ZNF732: variants seen among roughly 807,000 people sequenced by gnomAD.
The protein encoded by ZNF732 is zinc finger protein 732.
ZNF732 carries 12 observed loss-of-function variants against 11.5 expected under a neutral mutation model. The ratio of observed to expected loss-of-function variants is 1.05; its 90% confidence interval spans 0.67 to 1.70. The LOEUF is 1.70. Ranked by LOEUF, ZNF732 falls within the 40% of genes most tolerant of loss-of-function variation. ZNF732 has a pLI of 0.00. For missense variants in ZNF732, 702 were observed against 676.9 expected (o/e 1.04, Z -0.41); for synonymous variants, 231 against 236.5 (o/e 0.98, Z 0.21).
At chr4:287,795 G>T (rs1218988297) in intron 3 of ZNF732, among the ~76,000 whole-genome samples, 2 of 152,024 alleles carry the variant, frequency 1.3e-5, no homozygotes, top group African/African-American at 4.8e-5. Flanking sequence ...TGGATATTTT[G>T]AATAGGTGCT....
chr4:296,771 C>G (rs1457343933), intron 1 of ZNF732, among the ~76,000 whole-genome samples: 6 of 152,162 alleles, frequency 3.9e-5, no homozygotes, highest in African/African-American at 7.2e-5. Flanking sequence ...GTTCCTCCAC[C>G]TAGACACATT....
chr4:291,593 T>C (rs1182697142), intron 3 of ZNF732, among the ~76,000 whole-genome samples: 1 of 151,964 alleles, frequency 6.6e-6, no homozygotes, highest in East Asian at 1.9e-4. Context: ...CAGACACAAA[T>C]AGATAAAACC....
chr4:295,600 T>G lies in ZNF732; in HGVS notation c.131-67A>C, dbSNP rs1466192010. Reference sequence around the variant, plus strand: ...TCCAATTACCTACCTAATACTATACTAAGTAGAAAAGAGAAATTATGGAAG... The same window carrying G: ...TCCAATTACCTACCTAATACTATACGAAGTAGAAAAGAGAAATTATGGAAG... On this transcript the variant is annotated intron_variant, in intron 2 of 3. Transcript: ENST00000419098. 15 of 1,294,234 alleles carry G rather than the reference T, an allele frequency of 1.2e-5. No homozygotes were observed. In the South Asian group the frequency reaches 1.4e-4, roughly 12 times the overall value. 80.2% of individuals were successfully genotyped at this position (1,294,234 alleles called of 1,614,324 possible).
chr4:293,078 A>C (rs1312097309), intron 3 of ZNF732, among the ~76,000 whole-genome samples: 7 of 147,274 alleles, frequency 4.8e-5, no homozygotes, highest in African/African-American at 1.7e-4. Context: ...AAAAAAAAAA[A>C]AAAAAAAAAA....
chr4:300,495 T>C (rs1553843450), intron 1 of ZNF732, among the ~76,000 whole-genome samples: 1 of 149,752 alleles, frequency 6.7e-6, no homozygotes, highest in African/African-American at 2.5e-5. Flanking sequence ...GAAAAAATTA[T>C]AGCCATTTGT....
At chr4:293,860 T>C (rs12506277) in intron 3 of ZNF732, among the ~76,000 whole-genome samples, 37,879 of 152,082 alleles carry the variant, frequency 0.25, 4,873 homozygotes, top group South Asian at 0.38. Context: ...TCAGAAAAAT[T>C]CATATCACGC....
chr4:286,936 G>A (rs1325819415), intron 3 of ZNF732, among the ~76,000 whole-genome samples: 3 of 152,072 alleles, frequency 2.0e-5, no homozygotes, highest in African/African-American at 2.4e-5. Flanking sequence ...GCGGATCACG[G>A]GGTCAGGAGA....
At position 280,132 on chromosome 4, in the gene ZNF732, TAG is replaced by T. The variant is rs782185741; in HGVS notation, c.227-7504_227-7503del. On this transcript the variant is annotated intron_variant, in intron 3 of 3. Coordinates refer to ENST00000419098, the MANE Select transcript of ZNF732 (RefSeq NM_001137608.3). ...CATGAAAAAAGACTCCCCAGTAAAATAGAGTTTGAAAACAATAAAAAATTCTG... is the reference window on the plus strand; with the variant it reads ...CATGAAAAAAGACTCCCCAGTAAAATAGTTTGAAAACAATAAAAAATTCTG... 1.6e-3 allele frequency among the ~76,000 whole-genome samples: 236 copies of T among 151,954 alleles called. 1 individual carries two copies. The highest frequency in any genetic ancestry group is 4.7e-3 in the African/African-American group (196 of 41,482).
chr4:301,436 C>A (rs1581551333), intron 1 of ZNF732, among the ~76,000 whole-genome samples: 1 of 152,200 alleles, frequency 6.6e-6, no homozygotes, highest in East Asian at 1.9e-4. Context: ...TATTGTGGCA[C>A]TATTCACAAT....
At chr4:294,361 T>C (rs537855796) in intron 3 of ZNF732, among the ~76,000 whole-genome samples, 2 of 152,296 alleles carry the variant, frequency 1.3e-5, no homozygotes, top group East Asian at 1.9e-4. Flanking sequence ...CTATCAACAA[T>C]GTAAGAGTTT....
intron 3 of ZNF732, among the ~76,000 whole-genome samples, chr4:277,790 A>C (rs903572535): frequency 4.4e-4 from 67 of 151,902 alleles, no homozygotes; most frequent in African/African-American, 1.6e-3. Flanking sequence ...ACACACACAC[A>C]AAAAAAATTC....
Position 272,151 on chromosome 4 carries a change from A to C in ZNF732, c.706T>G (p.Ser236Ala), listed in dbSNP as rs1719394394. 1 of 1,613,218 alleles carries C rather than the reference A, an allele frequency of 6.2e-7. No homozygotes were observed. Among genetic ancestry groups the C allele is most frequent in the African/African-American group, 1.3e-5 (1 of 74,902 alleles). The change falls in exon 4 of 4, where the codon TCA (serine) becomes GCA (alanine). Residue 236 changes from serine to alanine, a missense_variant. Coordinates refer to ENST00000419098, the MANE Select transcript of ZNF732 (RefSeq NM_001137608.3). ...TGAACTTTATGTTTAGCAAAGTTTG[A>C]GGATGTGGTAAAGATGTTGCCACAT... The part of the protein sequence containing the change: ...EECGNIFTTS[S>A]NFAKHKVHTG...
At chr4:285,870 G>A (rs1289911407) in intron 3 of ZNF732, among the ~76,000 whole-genome samples, 10 of 152,260 alleles carry the variant, frequency 6.6e-5, no homozygotes, top group Non-Finnish European at 1.5e-5. Flanking sequence ...CCCCCAAGTA[G>A]CTGGAACTAC....
chr4:276,701 TA>T (rs1225509033), intron 3 of ZNF732, among the ~76,000 whole-genome samples: 1 of 151,616 alleles, frequency 6.6e-6, no homozygotes, highest in Non-Finnish European at 1.5e-5. Context: ...CTCATAAAAT[TA>T]AAAAATATGA....
Position 305,343 on chromosome 4 carries a change from C to T in ZNF732, c.-33G>A. On this transcript the variant is annotated 5_prime_UTR_variant, in exon 1 of 4. Coordinates refer to ENST00000419098, the MANE Select transcript of ZNF732 (RefSeq NM_001137608.3). The stretch of plus-strand genomic sequence containing the variant: ...CTTCAGGGGTGTAGCGGAGTCTCAG[C>T]TACGAATCATCCAATACCCGCAGGT... 6.2e-7 allele frequency: 1 copy of T among 1,607,396 alleles called. No homozygotes were observed.
chr4:299,391 G>GTGTATATATA (rs1343524347), intron 1 of ZNF732, among the ~76,000 whole-genome samples: 2 of 30,750 alleles, frequency 6.5e-5, no homozygotes, highest in African/African-American at 1.9e-4. Context: ...ATACACATAT[G>GTGTATATATA]TACACATATG....
intron 3 of ZNF732, among the ~76,000 whole-genome samples, chr4:291,099 T>G (rs1553841291): frequency 6.6e-6 from 1 of 152,182 alleles, no homozygotes; most frequent in Non-Finnish European, 1.5e-5. Context: ...CTCTCCTGCT[T>G]GCAAAAGTAG....
At chr4:301,774 G>C (rs747749859) in intron 1 of ZNF732, among the ~76,000 whole-genome samples, 25 of 152,292 alleles carry the variant, frequency 1.6e-4, no homozygotes, top group Non-Finnish European at 1.9e-4. Flanking sequence ...TATAAATGAC[G>C]AGTTAATGGG....
At chr4:298,211 C>T (rs114428980) in intron 1 of ZNF732, among the ~76,000 whole-genome samples, 1,590 of 152,218 alleles carry the variant, frequency 0.01, 21 homozygotes, top group Admixed American at 0.038. Flanking sequence ...AGGGAAGTAA[C>T]CCAAATGAAG....
Sources: allele counts gnomAD v4.1 joint callset (sites outside exome capture counted in the v4.1 genomes callset), GRCh38; gene constraint gnomAD v4.1.1; transcripts MANE v1.5; gene names NCBI Gene and HGNC (gene_info 2026-07-23, HGNC 2026-07-21).